PKHD1L1: variants seen among roughly 807,000 people sequenced by gnomAD.
The protein encoded by PKHD1L1 is fibrocystin-L.
Under a neutral mutation model 462.9 loss-of-function variants are expected in PKHD1L1, and 434 were observed. The observed-to-expected ratio is 0.94, with a 90% CI of 0.87 to 1.02. The LOEUF (loss-of-function observed/expected upper bound fraction) is 1.02, where lower values mean the gene tolerates loss of function less well. PKHD1L1 is among the 50% of genes least tolerant of loss of function. The pLI is 0.00. For missense variants in PKHD1L1, 5,202 were observed against 5,096.1 expected, an observed-to-expected ratio of 1.02 and a Z score of -0.63; for synonymous variants, 1,781 against 1,750.0, an observed-to-expected ratio of 1.02 and a Z score of -0.44.
chr8:109,399,550 A>T (rs1813163898), intron 12 of PKHD1L1, among the ~76,000 whole-genome samples: 1 of 152,178 alleles, frequency 6.6e-6, no homozygotes, highest in Non-Finnish European at 1.5e-5. Flanking sequence ...AAGAAATCCT[A>T]GAGTAGAAGT....
rs1184378777 is a variant in PKHD1L1, at chr8:109,400,197, C to G, written c.1134C>G (p.Ser378=). ...YMGASWVDSA[S]YIWLMEQDTF... is the part of the protein sequence containing the mutation. The stretch of plus-strand genomic sequence containing the variant: ...GTGCCAGTTGGGTAGATTCAGCTTC[C>G]TATATTTGGCTCATGGAACAAGACA... The change falls in exon 13 of 78, where the codon TCC becomes TCG. Residue 378 remains serine, a synonymous_variant. Transcript: ENST00000378402. 2 of 1,613,480 alleles carry G rather than the reference C, an allele frequency of 1.2e-6. No individual in the cohort carries two copies. Among genetic ancestry groups the G allele is most frequent in the Admixed American group, 1.7e-5 (1 of 59,940 alleles).
chr8:109,398,874 T>C (rs1328698034), intron 12 of PKHD1L1, among the ~76,000 whole-genome samples: 1 of 152,122 alleles, frequency 6.6e-6, no homozygotes, highest in Non-Finnish European at 1.5e-5. Flanking sequence ...TACATAGAAA[T>C]TTTTTAAATG....
At chr8:109,407,891 A>G (rs1475810582) in intron 17 of PKHD1L1, among the ~76,000 whole-genome samples, 158 bp from the exon 18 acceptor site, 1 of 152,088 alleles carries the variant, frequency 6.6e-6, no homozygotes. Context: ...AAGGATCTAC[A>G]TCGCCCCCAT....
intron 1 of PKHD1L1, 41 bp from the exon 2 acceptor site, chr8:109,364,506 C>G (rs1489841130): frequency 7.4e-7 from 1 of 1,343,658 alleles, no homozygotes; most frequent in Non-Finnish European, 1.0e-6. Context: ...AAATGAAGAA[C>G]TTGGTGATTT....
At position 109,461,767 on chromosome 8, in the gene PKHD1L1, T is replaced by C; in HGVS notation, c.7247-5T>C. The C allele has an allele frequency of 1.9e-6, 3 of 1,603,586 alleles. No individual in the cohort carries two copies. In the South Asian group the frequency reaches 3.4e-5, roughly 18 times the overall value. On this transcript the variant is annotated splice_polypyrimidine_tract_variant and splice_region_variant and intron_variant, in intron 47 of 77. Coordinates refer to ENST00000378402, the MANE Select transcript of PKHD1L1 (RefSeq NM_177531.6). The stretch of plus-strand genomic sequence containing the variant: ...TTTAATGATGCTTTAAAAACTGTTT[T>C]GAAGGAGAATTTGCTACACAGACCT...
At chr8:109,399,005 C>T (rs559005465) in intron 12 of PKHD1L1, among the ~76,000 whole-genome samples, 3 of 151,842 alleles carry the variant, frequency 2.0e-5, no homozygotes, top group Non-Finnish European at 4.4e-5. Context: ...AGACTTACAC[C>T]TTGTGGCTCA....
In PKHD1L1 at chr8:109,455,724, G is replaced by A. The variant is rs572048134; in HGVS notation, c.6875-538G>A. 3.3e-5 allele frequency among the ~76,000 whole-genome samples: 5 copies of A among 152,224 alleles called. No homozygotes were observed. In the East Asian group the frequency reaches 9.6e-4, roughly 29 times the overall value. ...GTACCAGGGCAACATACTATTTAAAGAAAGCATGGTGTGAATCTTTTTTAT... is the reference window on the plus strand; with the variant it reads ...GTACCAGGGCAACATACTATTTAAAAAAAGCATGGTGTGAATCTTTTTTAT... On this transcript the variant is annotated intron_variant, in intron 45 of 77. Coordinates refer to ENST00000378402, the MANE Select transcript of PKHD1L1 (RefSeq NM_177531.6).
At chr8:109,472,623 G>T (rs994258403) in intron 50 of PKHD1L1, among the ~76,000 whole-genome samples, 1 of 151,988 alleles carries the variant, frequency 6.6e-6, no homozygotes, top group Non-Finnish European at 1.5e-5. Context: ...TAACTACTCA[G>T]CAAGTGTTGA....
rs748467202 is a variant in PKHD1L1 at position 109,404,665 on chromosome 8, T to C, written c.1485T>C (p.Asn495=). Residue 495 remains asparagine (N), a synonymous_variant, in exon 15 of 78, where the codon AAT becomes AAC. Transcript: ENST00000378402. ...AACAACAAACAGGAGATGCAGTGAA[T>C]GAAGAACAAGTTATCAAATCCCAGT... ...YTEQQTGDAV[N]EEQVIKSQST... is the part of the protein sequence containing the mutation. 6.2e-7 allele frequency: 1 copy of C among 1,608,672 alleles called. No individual in the cohort carries two copies. Among genetic ancestry groups the C allele is most frequent in the South Asian group, 1.1e-5 (1 of 90,336 alleles).
chr8:109,447,072 A>T (rs1054590532), intron 38 of PKHD1L1, among the ~76,000 whole-genome samples: 1 of 152,060 alleles, frequency 6.6e-6, no homozygotes, highest in African/African-American at 2.4e-5. Context: ...AAATACAAAA[A>T]ATTAGCCAGG....
chr8:109,518,644 A>G, intron 73 of PKHD1L1, 136 bp downstream of exon 73: 1 of 674,804 alleles, frequency 1.5e-6, no homozygotes, highest in East Asian at 2.8e-5. Flanking sequence ...AAGTGCCCAG[A>G]GACCCTTTTT....
intron 68 of PKHD1L1, among the ~76,000 whole-genome samples, chr8:109,506,576 C>T (rs903221647): frequency 6.6e-6 from 1 of 152,160 alleles, no homozygotes; most frequent in Non-Finnish European, 1.5e-5. Context: ...GAGCCCAAAG[C>T]CACAACATAA....
intron 2 of PKHD1L1, among the ~76,000 whole-genome samples, chr8:109,368,906 C>A (rs113180597): frequency 3.0e-4 from 45 of 152,236 alleles, no homozygotes; most frequent in African/African-American, 1.1e-3. Context: ...TACACTCAGC[C>A]TTTCCTGTAA....
intron 73 of PKHD1L1, among the ~76,000 whole-genome samples, chr8:109,518,913 G>T (rs915683124): frequency 6.6e-6 from 1 of 152,096 alleles, no homozygotes; most frequent in Non-Finnish European, 1.5e-5. Context: ...GAGGAAACAG[G>T]TCCGATTGGT....
Position 109,464,661 on chromosome 8 carries a change from A to T in PKHD1L1, c.7829A>T (p.Glu2610Val). Reference sequence around the variant, plus strand: ...TGTCAAAAAAGAGTTCCCCTTGGCGAATTTTTTAACAATACTGTCCATTCT... The same window carrying T: ...TGTCAAAAAAGAGTTCCCCTTGGCGTATTTTTTAACAATACTGTCCATTCT... ...NICQKRVPLG[E>V]FFNNTVHSQG... The change falls in exon 49 of 78, where the codon GAA (glutamate) becomes GTA (valine). Residue 2610 changes from glutamate to valine, a missense_variant. By Grantham distance (121) the Glu-to-Val change is moderately radical. This residue lies in a region of PKHD1L1 where 4,497 missense variants were observed against 4,336.8 expected (regional missense o/e 1.04). Coordinates refer to ENST00000378402, the MANE Select transcript of PKHD1L1 (RefSeq NM_177531.6). 6.2e-7 allele frequency: 1 copy of T among 1,613,174 alleles called. No individual in the cohort carries two copies. The highest frequency in any genetic ancestry group is 8.5e-7 in the Non-Finnish European group (1 of 1,179,778).
At chr8:109,470,781 T>G in intron 50 of PKHD1L1, 1 of 1,527,480 alleles carries the variant, frequency 6.5e-7, no homozygotes, top group South Asian at 1.2e-5. Flanking sequence ...TTTTCATAAA[T>G]CAGTTTTGTG....
In PKHD1L1 at chr8:109,408,102, G is replaced by T. The variant is rs1442672389; in HGVS notation, c.1867G>T (p.Asp623Tyr). Residue 623 changes from aspartate (D) to tyrosine (Y), a missense_variant, in exon 18 of 78, where the codon GAT (aspartate) becomes TAT (tyrosine). Transcript: ENST00000378402. ...AGTTGAAGGGAATAATGTCACACTG[G>T]ATATTACAGAACAAACCAAAGGAAA... is the stretch of plus-strand genomic sequence containing the variant. Reference protein sequence around the residue: ...EVVEGNNVTLDITEQTKGKPN... With the variant: ...EVVEGNNVTLYITEQTKGKPN... The T allele has an allele frequency of 1.2e-6, 2 of 1,613,130 alleles. No individual in the cohort carries two copies. Among genetic ancestry groups the T allele is most frequent in the Non-Finnish European group, 1.7e-6 (2 of 1,179,426 alleles).
At chr8:109,428,987 CA>C (rs1201362280) in intron 25 of PKHD1L1, among the ~76,000 whole-genome samples, 4 of 152,098 alleles carry the variant, frequency 2.6e-5, no homozygotes, top group African/African-American at 4.8e-5. Context: ...AATAATTTAT[CA>C]GTTATCATAT....
At chr8:109,510,735 G>T in intron 70 of PKHD1L1, 42 bp from the exon 71 acceptor site, 3 of 1,550,504 alleles carry the variant, frequency 1.9e-6, no homozygotes, top group Non-Finnish European at 2.6e-6. Context: ...CTAATAAAAT[G>T]TATGATATAG....
Sources: allele counts gnomAD v4.1 joint callset (sites outside exome capture counted in the v4.1 genomes callset), GRCh38; gene constraint gnomAD v4.1.1; regional missense constraint gnomAD v4.1.1; transcripts MANE v1.5; gene names NCBI Gene and HGNC (gene_info 2026-07-23, HGNC 2026-07-21).